LRFN1: variants seen among roughly 807,000 people sequenced by gnomAD.
LRFN1 encodes the protein leucine rich repeat and fibronectin type III domain containing 1, also known as leucine-rich repeat and fibronectin type III domain-containing protein 1.
A neutral mutation model predicts 31.8 loss-of-function variants in LRFN1; 20 were observed. The observed-to-expected ratio is 0.63, with a 90% CI of 0.44 to 0.91. The LOEUF (loss-of-function observed/expected upper bound fraction) is 0.91, where lower values mean the gene tolerates loss of function less well. LRFN1 is among the 40% of genes least tolerant of loss of function. LRFN1 has a pLI of 0.00. For synonymous variants in LRFN1, 514 were observed against 541.3 expected (o/e 0.95, Z 0.70); for missense variants, 912 against 1,129.8 (o/e 0.81, Z 2.76).
intron 4 of LRFN1, 41 bp downstream of exon 4, chr19:39,313,890 G>C: frequency 2.6e-6 from 4 of 1,544,724 alleles, no homozygotes; most frequent in Non-Finnish European, 3.5e-6. Flanking sequence ...GGTCCCCCTG[G>C]GCTTGGGAGG....
intron 4 of LRFN1, among the ~76,000 whole-genome samples, chr19:39,310,257 G>A (rs906385193): frequency 5.3e-5 from 8 of 152,180 alleles, no homozygotes; most frequent in Admixed American, 3.9e-4. Context: ...CACGCCCGGC[G>A]AACTTCGCCA....
chr19:39,308,577 C>T lies in LRFN1; in HGVS notation c.1407-35G>A, dbSNP rs781371178. The T allele has an allele frequency of 1.3e-6, 2 of 1,529,362 alleles. No individual in the cohort carries two copies. Among genetic ancestry groups the T allele is most frequent in the Non-Finnish European group, 1.8e-6 (2 of 1,141,402 alleles). 94.7% of individuals were successfully genotyped at this position (1,529,362 alleles called of 1,614,324 possible). ...GGGGCGGGTTCAGGGCGGGGTTAGT[C>T]CCCCCGAACCACGCCCCTTCGCTTT... On this transcript the variant is annotated intron_variant, in intron 4 of 4. Transcript: ENST00000248668. This position sits in a 1 kb window ranked among gnomAD's most constrained non-coding sequence, Gnocchi z 6.2.
rs71169583 is a variant in LRFN1 at position 39,309,478 on chromosome 19, C to CAAAAAAAAAAAAA, written c.1407-949_1407-937dup. 9.4e-4 allele frequency among the ~76,000 whole-genome samples: 30 copies of CAAAAAAAAAAAAA among 31,992 alleles called. 4 individuals are homozygous for CAAAAAAAAAAAAA. Among genetic ancestry groups the CAAAAAAAAAAAAA allele is most frequent in the African/African-American group, 4.0e-3 (27 of 6,820 alleles). The allele number at this position is 31,992 out of a possible 152,430, so 21.0% of individuals were successfully genotyped here. ...ACTCTGTCTCAAAAAACAAACAAACCAAAAAAAAAAAAAAAAAAAAAAAAA... is the reference window on the plus strand; with the variant it reads ...ACTCTGTCTCAAAAAACAAACAAACCAAAAAAAAAAAAAAAAAAAAAAAAAAAAAAAAAAAAAA... On this transcript the variant is annotated intron_variant, in intron 4 of 4. Transcript: ENST00000248668.
chr19:39,320,433 C>T (rs2145041415), intron 1 of LRFN1, among the ~76,000 whole-genome samples: 1 of 152,074 alleles, frequency 6.6e-6, no homozygotes, highest in Admixed American at 6.5e-5. Flanking sequence ...TAGTCGCGCA[C>T]GCACATGGGC....
chr19:39,318,089 C>A (rs1371921209), intron 2 of LRFN1, among the ~76,000 whole-genome samples: 1 of 152,164 alleles, frequency 6.6e-6, no homozygotes, highest in Non-Finnish European at 1.5e-5. Context: ...CCTGAAACCC[C>A]CCACCTGCTC....
Position 39,307,529 on chromosome 19 carries a change from G to T in LRFN1, c.*104C>A. Reference sequence around the variant, plus strand: ...GGGGACAAGGGCGCGTCTCCACTCTGGTCCAATGTCTTGGCGCTGCGCTTT... The same window carrying T: ...GGGGACAAGGGCGCGTCTCCACTCTTGTCCAATGTCTTGGCGCTGCGCTTT... On this transcript the variant is annotated 3_prime_UTR_variant, in exon 5 of 5. Transcript: ENST00000248668. This position sits in a 1 kb window ranked among gnomAD's most constrained non-coding sequence, Gnocchi z 6.7. 1 of 1,246,002 alleles carries T rather than the reference G, an allele frequency of 8.0e-7. No individual in the cohort carries two copies. The highest frequency in any genetic ancestry group is 1.0e-6 in the Non-Finnish European group (1 of 970,294). The allele number at this position is 1,246,002 out of a possible 1,614,324, so 77.2% of individuals were successfully genotyped here.
intron 1 of LRFN1, among the ~76,000 whole-genome samples, chr19:39,320,448 G>C (rs1452741593): frequency 2.0e-5 from 3 of 151,878 alleles, no homozygotes; most frequent in Admixed American, 6.6e-5. Flanking sequence ...ATGGGCTTGG[G>C]GGGGACCCAC....
Position 39,308,045 on chromosome 19 carries a change from G to C in LRFN1, c.1904C>G (p.Pro635Arg). ...CAGAGAACGTCCAAGGACCACCTCC[G>C]GCTCCGCGGATGCCGTCTCGGCCTC... ...AMEAETASAE[P>R]EVVLGRSLGG... is the part of the protein sequence containing the mutation. Residue 635 changes from proline to arginine, a missense_variant, in exon 5 of 5, where the codon CCG (proline) becomes CGG (arginine). Physicochemically the swap from Pro to Arg is moderately radical, Grantham distance 103. This residue lies in a region of LRFN1 where 511 missense variants were observed against 557.0 expected (regional missense o/e 0.92). Coordinates refer to ENST00000248668, the MANE Select transcript of LRFN1 (RefSeq NM_020862.2). The surrounding 1 kb of genome is among the most constrained non-coding windows in gnomAD (Gnocchi z 6.2). 1 of 1,529,138 alleles carries C rather than the reference G, an allele frequency of 6.5e-7. No individual in the cohort carries two copies. Among genetic ancestry groups the C allele is most frequent in the South Asian group, 1.2e-5 (1 of 82,618 alleles). The allele number at this position is 1,529,138 out of a possible 1,614,324, so 94.7% of individuals were successfully genotyped here. A position where few individuals can be genotyped will look rare whatever the true frequency, so the allele number is the denominator to read the frequency against.
In LRFN1 at chr19:39,314,625, C is replaced by G; in HGVS notation, c.712G>C (p.Gly238Arg). 6.2e-7 allele frequency: 1 copy of G among 1,609,978 alleles called. No homozygotes were observed. Among genetic ancestry groups the G allele is most frequent in the Non-Finnish European group, 8.5e-7 (1 of 1,178,188 alleles). ...GTCAGCGGGGTGGGCGGCTTGGGCC[C>G]GGTGCCCTGCGACCTCAGGAAGAGC... ...DGLFLRSQGT[G>R]PKPPTPLTVS... Residue 238 changes from glycine (G) to arginine (R), a missense_variant, in exon 4 of 5, where the codon GGG becomes CGG. Physicochemically the swap from Gly to Arg is moderately radical, Grantham distance 125. Around this residue, in one of 2 missense-constraint regions of LRFN1, gnomAD observed 401 missense variants for 572.7 expected, o/e 0.70. Coordinates refer to ENST00000248668, the MANE Select transcript of LRFN1 (RefSeq NM_020862.2).
chr19:39,308,395 A>C lies in LRFN1; in HGVS notation c.1554T>G (p.Ala518=). 1.2e-6 allele frequency: 2 copies of C among 1,611,530 alleles called. No individual in the cohort carries two copies. The highest frequency in any genetic ancestry group is 1.7e-6 in the Non-Finnish European group (2 of 1,179,300). Residue 518 remains alanine (A), a synonymous_variant, in exon 5 of 5, where the codon GCT becomes GCG. Coordinates refer to ENST00000248668, the MANE Select transcript of LRFN1 (RefSeq NM_020862.2). The surrounding 1 kb of genome is among the most constrained non-coding windows in gnomAD (Gnocchi z 6.2). Reference sequence around the variant, plus strand: ...GCGGGCGGCAGGGCGCCGGATCCCCAGCGGTGGTGAACTGTACACAGCCCA... The same window carrying C: ...GCGGGCGGCAGGGCGCCGGATCCCCCGCGGTGGTGAACTGTACACAGCCCA... ...RVVGCVQFTT[A]GDPAPCRPLR...
rs762492122 is a variant in LRFN1 at position 39,314,798 on chromosome 19, T to C, written c.539A>G (p.Glu180Gly). ...SYNNLEALPWEAVGQMVNLNT... is the reference protein window; with the variant it reads ...SYNNLEALPWGAVGQMVNLNT... ...TAGGTTCACCATCTGGCCCACCGCC[T>C]CCCACGGCAGGGCCTCCAGGTTGTT... Residue 180 changes from glutamate to glycine, a missense_variant, in exon 4 of 5, where the codon GAG becomes GGG. Physicochemically the swap from Glu to Gly is moderately conservative, Grantham distance 98. This residue lies in a region of LRFN1 where 401 missense variants were observed against 572.7 expected (regional missense o/e 0.70). Coordinates refer to ENST00000248668, the MANE Select transcript of LRFN1 (RefSeq NM_020862.2). 6.2e-7 allele frequency: 1 copy of C among 1,613,166 alleles called. No individual in the cohort carries two copies. The highest frequency in any genetic ancestry group is 1.1e-5 in the South Asian group (1 of 90,906).
intron 2 of LRFN1, among the ~76,000 whole-genome samples, chr19:39,316,811 C>T (rs1161612771): frequency 6.6e-6 from 1 of 152,176 alleles, no homozygotes; most frequent in Non-Finnish European, 1.5e-5. Flanking sequence ...ATGTCAGTTC[C>T]CATCACAACA....
chr19:39,309,826 G>A (rs2075144748), intron 4 of LRFN1, among the ~76,000 whole-genome samples: 1 of 152,288 alleles, frequency 6.6e-6, no homozygotes, highest in South Asian at 2.1e-4. Flanking sequence ...CTTGCTGTAG[G>A]CCCCTCCCCT....
rs1187999123 is a variant in LRFN1, at chr19:39,306,724, T to TCC, written c.*907_*908dup. The stretch of plus-strand genomic sequence containing the variant: ...CCTTATGCTGCAATCTAGGTCACCC[T>TCC]CCCCCAACACACACACACACACACA... On this transcript the variant is annotated 3_prime_UTR_variant, in exon 5 of 5. Transcript: ENST00000248668. 1 of 108,070 alleles carries TCC rather than the reference T, an allele frequency of 9.3e-6. No homozygotes were observed. Among genetic ancestry groups the TCC allele is most frequent in the East Asian group, 3.5e-4 (1 of 2,830 alleles). 6.7% of individuals were successfully genotyped at this position (108,070 alleles called of 1,614,324 possible). A position where few individuals can be genotyped will look rare whatever the true frequency, so the allele number is the denominator to read the frequency against.
intron 1 of LRFN1, among the ~76,000 whole-genome samples, chr19:39,320,161 A>AC (rs953546778): frequency 7.2e-6 from 1 of 139,198 alleles, no homozygotes; most frequent in African/African-American, 2.7e-5. Context: ...ACCGCTAAGG[A>AC]CCCCCCAGTT....
chr19:39,313,786 G>C (rs2145034482), intron 4 of LRFN1, 145 bp downstream of exon 4: 1 of 714,472 alleles, frequency 1.4e-6, no homozygotes, highest in African/African-American at 1.8e-5. Context: ...AATAGAGAGA[G>C]GAGACAGGGC....
At chr19:39,313,634 G>C (rs1333917082) in intron 4 of LRFN1, among the ~76,000 whole-genome samples, 1 of 152,244 alleles carries the variant, frequency 6.6e-6, no homozygotes, top group Non-Finnish European at 1.5e-5. Flanking sequence ...GTGGGGAGCA[G>C]TGATATCGAC....
Position 39,307,964 on chromosome 19 carries a change from T to C in LRFN1, c.1985A>G (p.Glu662Gly). Reference sequence around the variant, plus strand: ...TCGAGGGCCCACCGCGGCCCGAGACTCCTCCCCGGAAGTTTCCTCGGATGG... The same window carrying C: ...TCGAGGGCCCACCGCGGCCCGAGACCCCTCCCCGGAAGTTTCCTCGGATGG... ...LLPSEETSGEESRAAVGPRRS... is the reference protein window; with the variant it reads ...LLPSEETSGEGSRAAVGPRRS... Residue 662 changes from glutamate to glycine, a missense_variant, in exon 5 of 5, where the codon GAG becomes GGG. Physicochemically the swap from Glu to Gly is moderately conservative, Grantham distance 98 (BLOSUM62 -2). Coordinates refer to ENST00000248668, the MANE Select transcript of LRFN1 (RefSeq NM_020862.2). This position sits in a 1 kb window ranked among gnomAD's most constrained non-coding sequence, Gnocchi z 6.7. 6.3e-7 allele frequency: 1 copy of C among 1,576,838 alleles called. No individual in the cohort carries two copies. The highest frequency in any genetic ancestry group is 1.1e-5 in the South Asian group (1 of 87,870).
In LRFN1 at chr19:39,320,793, C is replaced by G. The variant is rs1362696857; in HGVS notation, c.-126G>C. Reference sequence around the variant, plus strand: ...CCGGGCCGCTGCAGGCCGCGCTCACCCAGCCCGGGGGGGCCCCGGGCCCGG... The same window carrying G: ...CCGGGCCGCTGCAGGCCGCGCTCACGCAGCCCGGGGGGGCCCCGGGCCCGG... On this transcript the variant is annotated splice_region_variant and 5_prime_UTR_variant, in exon 1 of 5. Transcript: ENST00000248668. 1 of 146,986 alleles carries G rather than the reference C, an allele frequency of 6.8e-6. No homozygotes were observed. The highest frequency in any genetic ancestry group is 2.5e-5 in the African/African-American group (1 of 40,646). The allele number at this position is 146,986 out of a possible 1,614,324, so 9.1% of individuals were successfully genotyped here. A position where few individuals can be genotyped will look rare whatever the true frequency, so the allele number is the denominator to read the frequency against.
Sources: allele counts gnomAD v4.1 joint callset (sites outside exome capture counted in the v4.1 genomes callset), GRCh38; gene constraint gnomAD v4.1.1; regional missense constraint gnomAD v4.1.1; non-coding constraint Gnocchi (gnomAD v3.1); transcripts MANE v1.5; gene names NCBI Gene and HGNC (gene_info 2026-07-23, HGNC 2026-07-21).